The following PPM1D variants were observed in gnomAD, a reference collection of about 807,000 sequenced individuals.
PPM1D encodes the protein protein phosphatase, Mg2+/Mn2+ dependent 1D.
A neutral mutation model predicts 58.3 loss-of-function variants in PPM1D; 52 were observed. The observed-to-expected ratio is 0.89, with a 90% CI of 0.71 to 1.12. The LOEUF (loss-of-function observed/expected upper bound fraction) is 1.12, where lower values mean the gene tolerates loss of function less well. Among genes scored for constraint, PPM1D ranks in the 50% most tolerant of loss-of-function variants. The pLI is 0.00. For missense variants in PPM1D, 564 were observed against 777.2 expected, an observed-to-expected ratio of 0.73 and a Z score of 3.26; for synonymous variants, 278 against 285.1, an observed-to-expected ratio of 0.98 and a Z score of 0.25.
intron 3 of PPM1D, among the ~76,000 whole-genome samples, chr17:60,638,788 T>C (rs1464917372): frequency 6.6e-6 from 1 of 152,156 alleles, no homozygotes; most frequent in South Asian, 2.1e-4. Flanking sequence ...CACACCCTTA[T>C]GGTTTACGGC....
At chr17:60,615,865 G>A (rs1467788206) in intron 1 of PPM1D, among the ~76,000 whole-genome samples, 2 of 151,802 alleles carry the variant, frequency 1.3e-5, no homozygotes, top group African/African-American at 4.8e-5. Flanking sequence ...GTCCAGGCTG[G>A]AGTATAGTAG....
intron 2 of PPM1D, among the ~76,000 whole-genome samples, chr17:60,625,583 G>A (rs957067213): frequency 2.0e-5 from 3 of 152,126 alleles, no homozygotes; most frequent in Non-Finnish European, 4.4e-5. Context: ...TCATAATGCT[G>A]AATATGATAC....
intron 5 of PPM1D, 104 bp from the exon 6 acceptor site, chr17:60,662,891 T>C (rs1200136674): frequency 3.6e-6 from 4 of 1,104,004 alleles, no homozygotes; most frequent in Non-Finnish European, 3.9e-6. Context: ...ATACCCCGTT[T>C]TTGCCATCCT....
At chr17:60,648,178 G>T in intron 4 of PPM1D, 96 bp downstream of exon 4, 2 of 1,344,514 alleles carry the variant, frequency 1.5e-6, no homozygotes, top group African/African-American at 1.5e-5. Context: ...TTGACCTTGG[G>T]TAGATTTTTG....
At chr17:60,628,705 TTATAC>T (rs1478385005) in intron 2 of PPM1D, among the ~76,000 whole-genome samples, 1 of 152,186 alleles carries the variant, frequency 6.6e-6, no homozygotes, top group Non-Finnish European at 1.5e-5. Flanking sequence ...ACACTTTTTA[TTATAC>T]TATATAATAT....
At chr17:60,660,259 C>T (rs746238186) in intron 5 of PPM1D, among the ~76,000 whole-genome samples, 1 of 152,060 alleles carries the variant, frequency 6.6e-6, no homozygotes, top group Non-Finnish European at 1.5e-5. Flanking sequence ...TCGCTTGAAC[C>T]CAGGAGGCGG....
At chr17:60,661,671 A>G (rs939366928) in intron 5 of PPM1D, among the ~76,000 whole-genome samples, 1 of 152,174 alleles carries the variant, frequency 6.6e-6, no homozygotes, top group Non-Finnish European at 1.5e-5. Flanking sequence ...TTCCCTAACC[A>G]TTCTCAGAAT....
chr17:60,639,480 C>A (rs548924108), intron 3 of PPM1D, among the ~76,000 whole-genome samples: 1 of 152,214 alleles, frequency 6.6e-6, no homozygotes, highest in African/African-American at 2.4e-5. Flanking sequence ...CTCTGTCGCC[C>A]AGGCTGGAGT....
At chr17:60,654,868 CAAA>C (rs745626059) in intron 4 of PPM1D, among the ~76,000 whole-genome samples, 1 of 74,260 alleles carries the variant, frequency 1.3e-5, no homozygotes. Flanking sequence ...AACTCCATCT[CAAA>C]AAAAAAAAAA....
intron 3 of PPM1D, among the ~76,000 whole-genome samples, chr17:60,636,688 C>T (rs2143680428): frequency 6.6e-6 from 1 of 151,690 alleles, no homozygotes; most frequent in Non-Finnish European, 1.5e-5. Context: ...TCTCATTACT[C>T]ATGAATTTTT....
chr17:60,656,925 C>CTT (rs759027700), intron 5 of PPM1D, 84 bp downstream of exon 5: 1 of 1,603,474 alleles, frequency 6.2e-7, no homozygotes, highest in East Asian at 2.2e-5. Context: ...TTTTTAAATT[C>CTT]TTACAGGATT....
chr17:60,645,151 C>G (rs1301034595), intron 3 of PPM1D, among the ~76,000 whole-genome samples: 3 of 152,004 alleles, frequency 2.0e-5, no homozygotes, highest in African/African-American at 4.8e-5. Flanking sequence ...GTCAGGAGTT[C>G]CAGACCAGCC....
intron 5 of PPM1D, among the ~76,000 whole-genome samples, chr17:60,658,337 A>AT (rs1254415350): frequency 6.6e-6 from 1 of 152,156 alleles, no homozygotes; most frequent in African/African-American, 2.4e-5. Context: ...TAGTAAACCC[A>AT]TACATAAAAT....
chr17:60,630,331 A>G (rs2030895259), intron 2 of PPM1D, among the ~76,000 whole-genome samples: 1 of 151,960 alleles, frequency 6.6e-6, no homozygotes, highest in South Asian at 2.1e-4. Context: ...ATTATATTTT[A>G]TTTGATTTTA....
At chr17:60,608,796 G>A (rs2030387478) in intron 1 of PPM1D, among the ~76,000 whole-genome samples, 3 of 150,922 alleles carry the variant, frequency 2.0e-5, no homozygotes, top group African/African-American at 7.3e-5. Flanking sequence ...CGCCCAGGCT[G>A]GAGTGCAGTG....
chr17:60,645,636 GTGTGTGTGTGTATATATATA>G (rs1567974848), intron 3 of PPM1D, among the ~76,000 whole-genome samples: 1 of 129,348 alleles, frequency 7.7e-6, no homozygotes, highest in African/African-American at 3.0e-5. Flanking sequence ...ATATGTATAT[GTGTGTGTGTGTATATATATA>G]TATACACACA....
chr17:60,613,276 T>G (rs2030498759), intron 1 of PPM1D, among the ~76,000 whole-genome samples: 1 of 152,226 alleles, frequency 6.6e-6, no homozygotes, highest in African/African-American at 2.4e-5. Flanking sequence ...TTAAACAATG[T>G]ATACCTTTTG....
chr17:60,625,853 T>C (rs1396720893), intron 2 of PPM1D, among the ~76,000 whole-genome samples: 1 of 152,184 alleles, frequency 6.6e-6, no homozygotes, highest in Non-Finnish European at 1.5e-5. Context: ...TTTATTTTTA[T>C]TTTTTTAATG....
chr17:60,647,597 A>C (rs2031272419), intron 3 of PPM1D, among the ~76,000 whole-genome samples: 1 of 152,186 alleles, frequency 6.6e-6, no homozygotes, highest in African/African-American at 2.4e-5. Context: ...TTAGAAGAGA[A>C]GCAATGATAC....
Sources: gnomAD v4.1 joint callset for allele counts (sites outside exome capture counted in the v4.1 genomes callset) on GRCh38, gnomAD v4.1.1 for gene constraint, MANE v1.5 for transcripts, NCBI Gene and HGNC (gene_info 2026-07-23, HGNC 2026-07-21) for gene names.